The following PDHX variants were observed in gnomAD, a reference collection of about 807,000 sequenced individuals.
PDHX encodes the protein pyruvate dehydrogenase protein X component, mitochondrial.
PDHX carries 33 observed loss-of-function variants against 55.3 expected under a neutral mutation model. That is an observed-to-expected ratio of 0.60 (90% CI 0.45 to 0.80). PDHX has a LOEUF of 0.80. PDHX is among the 30% of genes least tolerant of loss of function. The probability of loss-of-function intolerance (pLI) is 0.00; values close to 1 mark genes in which losing one functional copy is unlikely to be tolerated. For missense variants in PDHX, 622 were observed against 619.9 expected (o/e 1.00, Z -0.04); for synonymous variants, 226 against 219.4 (o/e 1.03, Z -0.27).
chr11:34,929,901 T>C (rs985575106), intron 1 of PDHX, among the ~76,000 whole-genome samples: 7 of 152,242 alleles, frequency 4.6e-5, no homozygotes, highest in African/African-American at 1.7e-4. Flanking sequence ...GATCAAATGC[T>C]GATAGTTACA....
At chr11:34,990,903 T>C (rs538127715) in intron 9 of PDHX, among the ~76,000 whole-genome samples, 2 of 152,334 alleles carry the variant, frequency 1.3e-5, no homozygotes, top group Non-Finnish European at 2.9e-5. Context: ...TAATAGTGCC[T>C]ATGTTGCCTA....
chr11:34,916,638 AG>A lies in PDHX; in HGVS notation c.-17del. The A allele has an allele frequency of 6.2e-7, 1 of 1,605,224 alleles. No homozygotes were observed. The highest frequency in any genetic ancestry group is 2.2e-5 in the East Asian group (1 of 44,842). On this transcript the variant is annotated 5_prime_UTR_variant, in exon 1 of 11. In the 5' UTR this introduces an upstream ATG that the reference lacks. Transcript: ENST00000227868. ...ACATCAGGCTGTGCTGCGGGCAGCC[AG>A]TGAGAAGGCCGTCAAGATGGCGGCC...
chr11:34,980,094 A>G (rs1727164068), intron 8 of PDHX, among the ~76,000 whole-genome samples: 1 of 149,744 alleles, frequency 6.7e-6, no homozygotes, highest in African/African-American at 2.4e-5. Context: ...AAAAGCTTAT[A>G]TTTTCCCAGA....
At chr11:34,974,425 T>C (rs1306300200) in intron 7 of PDHX, among the ~76,000 whole-genome samples, 2 of 152,206 alleles carry the variant, frequency 1.3e-5, no homozygotes, top group Non-Finnish European at 2.9e-5. Context: ...ATAAATACAT[T>C]AGGTTGTTTT....
intron 8 of PDHX, among the ~76,000 whole-genome samples, chr11:34,978,592 C>T (rs1855435151): frequency 6.6e-6 from 1 of 152,076 alleles, no homozygotes; most frequent in Non-Finnish European, 1.5e-5. Flanking sequence ...GCCCCTCTGA[C>T]AAGGCGATAA....
chr11:34,953,025 C>T (rs990388648), intron 3 of PDHX, among the ~76,000 whole-genome samples: 1 of 152,022 alleles, frequency 6.6e-6, no homozygotes, highest in Non-Finnish European at 1.5e-5. Context: ...ACAAAAATCA[C>T]AGGCATTCTT....
intron 3 of PDHX, among the ~76,000 whole-genome samples, chr11:34,952,221 C>G (rs959110288): frequency 2.0e-5 from 3 of 151,988 alleles, no homozygotes; most frequent in Non-Finnish European, 4.4e-5. Flanking sequence ...CAAAAAGAGT[C>G]CAGGACCAGA....
chr11:34,950,246 T>C (rs1854723776), intron 3 of PDHX, among the ~76,000 whole-genome samples: 1 of 152,020 alleles, frequency 6.6e-6, no homozygotes, highest in Non-Finnish European at 1.5e-5. Flanking sequence ...GATTCTTCTG[T>C]CTAGACCGTG....
intron 1 of PDHX, among the ~76,000 whole-genome samples, 158 bp from the exon 2 acceptor site, chr11:34,931,246 A>G (rs970609405): frequency 1.3e-5 from 2 of 152,206 alleles, no homozygotes; most frequent in Non-Finnish European, 1.5e-5. Flanking sequence ...GTTTCCATAC[A>G]ATTTACTGGA....
At chr11:34,988,433 A>G (rs548381404) in intron 9 of PDHX, among the ~76,000 whole-genome samples, 2 of 152,296 alleles carry the variant, frequency 1.3e-5, no homozygotes, top group Non-Finnish European at 2.9e-5. Flanking sequence ...GAACCCAATC[A>G]GACTGTAGAC....
chr11:34,980,332 A>G, intron 8 of PDHX, among the ~76,000 whole-genome samples: 1 of 123,108 alleles, frequency 8.1e-6, no homozygotes, highest in Non-Finnish European at 1.8e-5. Flanking sequence ...AATTTTTTTT[A>G]ATAAGGTTTA....
At chr11:34,972,679 G>A (rs1175762799) in intron 7 of PDHX, among the ~76,000 whole-genome samples, 1 of 152,042 alleles carries the variant, frequency 6.6e-6, no homozygotes, top group Non-Finnish European at 1.5e-5. Flanking sequence ...AATTACAAGT[G>A]TGAGCCACCA....
intron 8 of PDHX, among the ~76,000 whole-genome samples, chr11:34,981,920 G>A (rs1297841657): frequency 6.6e-6 from 1 of 152,164 alleles, no homozygotes. Context: ...CAGATGAGTA[G>A]ATTGCAAAAA....
rs551908306 is a variant in PDHX at position 34,958,982 on chromosome 11, A to G, written c.542+1399A>G. Among the ~76,000 whole-genome samples the G allele has an allele frequency of 5.3e-5, 8 of 152,250 alleles. No homozygotes were observed. In the East Asian group the frequency reaches 1.4e-3, roughly 26 times the overall value. On this transcript the variant is annotated intron_variant, in intron 4 of 10. Coordinates refer to ENST00000227868, the MANE Select transcript of PDHX (RefSeq NM_003477.3). The stretch of plus-strand genomic sequence containing the variant: ...CTAAAGATTTAGTAACATTGGGCCC[A>G]TATCAGAGTTATTTAATACTTCCCT...
At chr11:34,927,192 A>G (rs1469514890) in intron 1 of PDHX, among the ~76,000 whole-genome samples, 3 of 150,776 alleles carry the variant, frequency 2.0e-5, no homozygotes, top group East Asian at 2.0e-4. Flanking sequence ...TGCTAGCTTT[A>G]TAAGAAGGAG....
At chr11:34,984,444 A>T (rs966027924) in intron 8 of PDHX, 126 bp from the exon 9 acceptor site, 2 of 788,364 alleles carry the variant, frequency 2.5e-6, no homozygotes, top group Non-Finnish European at 4.1e-6. Context: ...TTTCAAACGA[A>T]ATTTTTATTT....
At chr11:34,936,455 A>C (rs901272208) in intron 2 of PDHX, among the ~76,000 whole-genome samples, 2 of 152,220 alleles carry the variant, frequency 1.3e-5, no homozygotes, top group African/African-American at 4.8e-5. Flanking sequence ...AGCAGGGTAC[A>C]TGACAGGGAT....
At chr11:34,939,488 TG>T (rs1271980747) in intron 2 of PDHX, among the ~76,000 whole-genome samples, 2 of 151,858 alleles carry the variant, frequency 1.3e-5, no homozygotes, top group East Asian at 3.9e-4. Flanking sequence ...TGTGTGTGTG[TG>T]TGTGTGTGTG....
At chr11:34,919,952 C>T (rs191518488) in intron 1 of PDHX, among the ~76,000 whole-genome samples, 10 of 152,236 alleles carry the variant, frequency 6.6e-5, no homozygotes, top group Admixed American at 5.2e-4. Context: ...TATTTGTAGT[C>T]TCTTTGGGGA....
Sources: allele counts gnomAD v4.1 joint callset (sites outside exome capture counted in the v4.1 genomes callset), GRCh38; gene constraint gnomAD v4.1.1; transcripts MANE v1.5; gene names NCBI Gene and HGNC (gene_info 2026-07-23, HGNC 2026-07-21).